The following ARHGAP8 variants were observed in gnomAD, a reference collection of about 807,000 sequenced individuals.
ARHGAP8 encodes the protein rho GTPase-activating protein 8.
ARHGAP8 carries 62 observed loss-of-function variants against 46.1 expected under a neutral mutation model. The observed-to-expected ratio is 1.34, with a 90% CI of 1.10 to 1.66. The LOEUF is 1.66. Ranked by LOEUF, ARHGAP8 falls within the 40% of genes most tolerant of loss-of-function variation. The probability of loss-of-function intolerance (pLI) is 0.00; values close to 1 mark genes in which losing one functional copy is unlikely to be tolerated. For missense variants in ARHGAP8, 923 were observed against 568.4 expected, an observed-to-expected ratio of 1.62 and a Z score of -6.34; for synonymous variants, 375 against 243.1, an observed-to-expected ratio of 1.54 and a Z score of -5.05.
At chr22:44,811,535 C>A (rs993046571) in intron 4 of ARHGAP8, among the ~76,000 whole-genome samples, 1 of 152,306 alleles carries the variant, frequency 6.6e-6, no homozygotes, top group Admixed American at 6.5e-5. Flanking sequence ...CAGACTTGTT[C>A]TGTGTGACTC....
At chr22:44,779,169 G>A (rs1031487339) in intron 1 of ARHGAP8, among the ~76,000 whole-genome samples, 23 of 145,030 alleles carry the variant, frequency 1.6e-4, no homozygotes, top group Admixed American at 8.7e-4. Flanking sequence ...GCGCGATCTT[G>A]GCTCACTGCA....
chr22:44,824,571 C>G (rs996994393), intron 6 of ARHGAP8, among the ~76,000 whole-genome samples: 1 of 152,124 alleles, frequency 6.6e-6, no homozygotes, highest in Non-Finnish European at 1.5e-5. Context: ...ACGTATTTGC[C>G]TGTGTTAAGG....
At chr22:44,841,530 G>A (rs11704429) in intron 7 of ARHGAP8, among the ~76,000 whole-genome samples, 7,865 of 152,158 alleles carry the variant, frequency 0.052, 293 homozygotes, top group Middle Eastern at 0.16. Flanking sequence ...TGCCTCCTCT[G>A]CGGTACCGGA....
chr22:44,793,031 C>T (rs114770252), intron 2 of ARHGAP8, among the ~76,000 whole-genome samples: 2,335 of 152,138 alleles, frequency 0.015, 50 homozygotes, highest in African/African-American at 0.053. Flanking sequence ...ATCATGTTGG[C>T]CAGGTTAGTC....
intron 7 of ARHGAP8, among the ~76,000 whole-genome samples, chr22:44,839,823 C>T (rs1931535772): frequency 6.6e-6 from 1 of 152,240 alleles, no homozygotes; most frequent in African/African-American, 2.4e-5. Context: ...TGGTTTCCGA[C>T]AGCAACCACG....
At chr22:44,823,274 C>T (rs1480684021) in intron 6 of ARHGAP8, among the ~76,000 whole-genome samples, 1 of 152,134 alleles carries the variant, frequency 6.6e-6, no homozygotes, top group South Asian at 2.1e-4. Context: ...AGAGGAGGCA[C>T]AGAACCCAGC....
intron 7 of ARHGAP8, among the ~76,000 whole-genome samples, chr22:44,828,920 CTCTTA>C (rs369739794): frequency 1.5e-3 from 235 of 151,978 alleles, no homozygotes; most frequent in African/African-American, 5.4e-3. Flanking sequence ...CCTTTCTCGT[CTCTTA>C]TCTTATTGTT....
intron 10 of ARHGAP8, among the ~76,000 whole-genome samples, chr22:44,858,399 C>T (rs539848304): frequency 3.0e-4 from 44 of 149,148 alleles, no homozygotes; most frequent in African/African-American, 9.4e-4. Context: ...TGGAGTTTCA[C>T]TCTTGTTGCC....
intron 1 of ARHGAP8, among the ~76,000 whole-genome samples, chr22:44,773,097 C>T (rs1178986016): frequency 6.6e-6 from 1 of 151,924 alleles, no homozygotes; most frequent in East Asian, 1.9e-4. Flanking sequence ...ATTATAGGTG[C>T]AAGCCACCAA....
rs1379891445 is a variant in ARHGAP8 at position 44,808,992 on chromosome 22, A to T, written c.299+554A>T. 2.0e-5 allele frequency: 8 copies of T among 404,764 alleles called. 1 individual carries two copies. Among genetic ancestry groups the T allele is most frequent in the Admixed American group, 1.1e-4 (4 of 35,436 alleles). 25.1% of individuals were successfully genotyped at this position (404,764 alleles called of 1,614,324 possible). On this transcript the variant is annotated intron_variant, in intron 4 of 11. Transcript: ENST00000356099. ...ACCACCATGCCTAGCTAATTTTTGTATTTTTTTTTGTAGAGACGGGGATCT... is the reference window on the plus strand; with the variant it reads ...ACCACCATGCCTAGCTAATTTTTGTTTTTTTTTTTGTAGAGACGGGGATCT...
intron 2 of ARHGAP8, among the ~76,000 whole-genome samples, chr22:44,789,565 TC>T (rs1871907477): frequency 6.6e-6 from 1 of 152,160 alleles, no homozygotes; most frequent in Non-Finnish European, 1.5e-5. Flanking sequence ...TGGCGCTGTC[TC>T]GGCTCACTAC....
At chr22:44,829,303 A>C (rs1030216177) in intron 7 of ARHGAP8, among the ~76,000 whole-genome samples, 3 of 151,666 alleles carry the variant, frequency 2.0e-5, no homozygotes, top group Non-Finnish European at 4.4e-5. Context: ...AAAAGAAAAA[A>C]AAAAAAGAAA....
Position 44,786,686 on chromosome 22 carries a change from G to A in ARHGAP8, c.79+80G>A, listed in dbSNP as rs961923844. On this transcript the variant is annotated intron_variant, in intron 2 of 11. Transcript: ENST00000356099. Reference sequence around the variant, plus strand: ...GGCAACTTTGAGGCAAAGTGGGCTCGTCAGGGGCTGCCTCACTGCAGCTGG... The same window carrying A: ...GGCAACTTTGAGGCAAAGTGGGCTCATCAGGGGCTGCCTCACTGCAGCTGG... The A allele has an allele frequency of 2.1e-5, 32 of 1,512,042 alleles. No individual in the cohort carries two copies. The African/African-American group carries it at 3.5e-4, about 16-fold the overall frequency. 93.7% of individuals were successfully genotyped at this position (1,512,042 alleles called of 1,614,324 possible).
chr22:44,811,858 G>A (rs541003884), intron 4 of ARHGAP8, among the ~76,000 whole-genome samples: 1 of 152,128 alleles, frequency 6.6e-6, no homozygotes, highest in African/African-American at 2.4e-5. Context: ...TTAGCCAGGC[G>A]TGGTGGTGCA....
chr22:44,856,032 C>G (rs1407101353), intron 10 of ARHGAP8, among the ~76,000 whole-genome samples: 1 of 152,050 alleles, frequency 6.6e-6, no homozygotes, highest in Non-Finnish European at 1.5e-5. Context: ...GGTCATGCCA[C>G]ACACTTAACC....
chr22:44,861,996 G>A (rs1012744609), intron 11 of ARHGAP8, among the ~76,000 whole-genome samples: 1 of 152,208 alleles, frequency 6.6e-6, no homozygotes, highest in Non-Finnish European at 1.5e-5. Context: ...TCCCCAGAAG[G>A]TGCAGTGGAA....
At chr22:44,849,877 G>T (rs949415965) in intron 10 of ARHGAP8, 4 of 152,166 alleles carry the variant, frequency 2.6e-5, no homozygotes, top group African/African-American at 9.7e-5. Context: ...CTTTGTCCTG[G>T]CCCCTGGGGG....
intron 1 of ARHGAP8, among the ~76,000 whole-genome samples, chr22:44,785,857 G>A (rs1927181764): frequency 6.6e-6 from 1 of 152,104 alleles, no homozygotes; most frequent in African/African-American, 2.4e-5. Flanking sequence ...GCCCACCTTG[G>A]TGCTTTCGGC....
chr22:44,772,263 G>A (rs61000173), intron 1 of ARHGAP8, among the ~76,000 whole-genome samples: 1,736 of 72,284 alleles, frequency 0.024, 119 homozygotes, highest in African/African-American at 0.078. Context: ...TCAAGACTGA[G>A]TCTCTGTTGC....
Sources: allele counts gnomAD v4.1 joint callset (sites outside exome capture counted in the v4.1 genomes callset), GRCh38; gene constraint gnomAD v4.1.1; transcripts MANE v1.5; gene names NCBI Gene and HGNC (gene_info 2026-07-23, HGNC 2026-07-21).